ZNF362: variants seen among roughly 807,000 people sequenced by gnomAD.
ZNF362 encodes the protein zinc finger protein 362, also known as rotund homolog.
ZNF362 carries 11 observed loss-of-function variants against 42.9 expected under a neutral mutation model. The ratio of observed to expected loss-of-function variants is 0.26; its 90% CI spans 0.16 to 0.42. The LOEUF (loss-of-function observed/expected upper bound fraction) is 0.42, where lower values mean the gene tolerates loss of function less well. Among genes scored for constraint, ZNF362 ranks in the 20% least tolerant of loss-of-function variants. The pLI is 1.00. For missense variants in ZNF362, 362 were observed against 576.2 expected, an observed-to-expected ratio of 0.63 and a Z score of 3.81; for synonymous variants, 255 against 257.3, an observed-to-expected ratio of 0.99 and a Z score of 0.09.
At chr1:33,246,153 T>C in the ZNF362 span, among the ~76,000 whole-genome samples, 2 of 152,088 alleles carry the variant, frequency 1.3e-5, no homozygotes, top group Admixed American at 6.6e-5. Flanking sequence ...GAGTTTGTGG[T>C]AGTTTATTAT....
At chr1:33,261,684 A>C (rs1045121116) in intron 1 of ZNF362, 1 of 152,222 alleles carries the variant, frequency 6.6e-6, no homozygotes, top group Non-Finnish European at 1.5e-5. Flanking sequence ...GATGACATTT[A>C]TGTATGCAAT....
At chr1:33,223,296 A>C in the ZNF362 span, among the ~76,000 whole-genome samples, 1 of 152,140 alleles carries the variant, frequency 6.6e-6, no homozygotes, top group Non-Finnish European at 1.5e-5. Flanking sequence ...GTTTCCCTGC[A>C]CAAGCTCTCT....
chr1:33,267,386 C>G (rs1156963605), intron 1 of ZNF362, among the ~76,000 whole-genome samples: 1 of 152,160 alleles, frequency 6.6e-6, no homozygotes, highest in African/African-American at 2.4e-5. Flanking sequence ...TTCTTCCCCT[C>G]TTTTCTCTCA....
In ZNF362 at chr1:33,280,411, C is replaced by G. The variant is rs1645984364; in HGVS notation, c.637C>G (p.Pro213Ala). Residue 213 changes from proline to alanine, a missense_variant, in exon 5 of 9, where the codon CCC (proline) becomes GCC (alanine). Physicochemically the swap from Pro to Ala is conservative, Grantham distance 27. This residue lies in a region of ZNF362 where 266 missense variants were observed against 365.4 expected (regional missense o/e 0.73). Coordinates refer to ENST00000539719, the MANE Select transcript of ZNF362 (RefSeq NM_152493.3). This position sits in a 1 kb window ranked among gnomAD's most constrained non-coding sequence, Gnocchi z 5.6. ...GGPPVLVVPY[P>A]ILASGETAKE... ...TCCGCCTGTCCTTGTAGTCCCCTATCCCATCCTGGCCTCGGGCGAGACTGC... is the reference window on the plus strand; with the variant it reads ...TCCGCCTGTCCTTGTAGTCCCCTATGCCATCCTGGCCTCGGGCGAGACTGC... 6.2e-7 allele frequency: 1 copy of G among 1,611,992 alleles called. No individual in the cohort carries two copies. The highest frequency in any genetic ancestry group is 8.5e-7 in the Non-Finnish European group (1 of 1,179,036).
the ZNF362 span, chr1:33,159,653 G>T: frequency 6.3e-7 from 1 of 1,582,172 alleles, no homozygotes; most frequent in Non-Finnish European, 8.6e-7. This position sits in a 1 kb window ranked among gnomAD's most constrained non-coding sequence, Gnocchi z 4.2. Context: ...GGAGGGGATG[G>T]TCAGCCGGGG....
chr1:33,215,084 G>A, the ZNF362 span, among the ~76,000 whole-genome samples: 1 of 152,134 alleles, frequency 6.6e-6, no homozygotes, highest in Non-Finnish European at 1.5e-5. Context: ...CCAAGATTTG[G>A]AATCAATCTA....
the ZNF362 span, chr1:33,147,530 C>T: frequency 6.2e-7 from 1 of 1,613,918 alleles, no homozygotes; most frequent in Non-Finnish European, 8.5e-7. The surrounding 1 kb of genome is among the most constrained non-coding windows in gnomAD (Gnocchi z 8.1). Flanking sequence ...TGGGTCTTCT[C>T]CGCCACCACC....
the ZNF362 span, among the ~76,000 whole-genome samples, chr1:33,222,153 G>A: frequency 6.6e-6 from 1 of 152,168 alleles, no homozygotes; most frequent in Admixed American, 6.5e-5. Context: ...GCAACCAAAA[G>A]CCATCAAATT....
intron 6 of ZNF362, among the ~76,000 whole-genome samples, chr1:33,290,432 A>G (rs1231526339): frequency 2.6e-5 from 4 of 151,932 alleles, no homozygotes; most frequent in Admixed American, 6.6e-5. Flanking sequence ...CATGGTGTAT[A>G]TGTGCCACAT....
the ZNF362 span, chr1:33,147,588 C>T: frequency 2.0e-5 from 33 of 1,614,122 alleles, no homozygotes; most frequent in Middle Eastern, 1.6e-4. This position sits in a 1 kb window ranked among gnomAD's most constrained non-coding sequence, Gnocchi z 8.1. Flanking sequence ...AACCCAGCAC[C>T]GACACCTCCA....
the ZNF362 span, among the ~76,000 whole-genome samples, chr1:33,177,159 C>G: frequency 6.6e-6 from 1 of 152,178 alleles, no homozygotes; most frequent in Non-Finnish European, 1.5e-5. This position sits in a 1 kb window ranked among gnomAD's most constrained non-coding sequence, Gnocchi z 4.1. Flanking sequence ...CCACAGGTTA[C>G]ATAAAAATCC....
chr1:33,278,825 A>C (rs1645969869), intron 4 of ZNF362, among the ~76,000 whole-genome samples: 1 of 152,142 alleles, frequency 6.6e-6, no homozygotes, highest in African/African-American at 2.4e-5. Flanking sequence ...GTGGCTGTGC[A>C]GTTCTCCCTA....
At chr1:33,182,505 T>C in the ZNF362 span, among the ~76,000 whole-genome samples, 6 of 152,182 alleles carry the variant, frequency 3.9e-5, no homozygotes, top group Non-Finnish European at 7.3e-5. Flanking sequence ...CTCTTCACTT[T>C]CTTAAGGAGT....
intron 1 of ZNF362, among the ~76,000 whole-genome samples, chr1:33,265,473 A>G (rs1007068255): frequency 1.3e-5 from 2 of 151,964 alleles, no homozygotes; most frequent in Non-Finnish European, 2.9e-5. Context: ...ACCCGGTCTA[A>G]TTGGATCCAG....
the ZNF362 span, among the ~76,000 whole-genome samples, chr1:33,248,735 C>T: frequency 1.3e-5 from 2 of 152,312 alleles, no homozygotes; most frequent in East Asian, 1.9e-4. Flanking sequence ...GCCAACCTCA[C>T]GTTCAGTATG....
chr1:33,279,101 T>C (rs1341645296), intron 4 of ZNF362, among the ~76,000 whole-genome samples: 1 of 152,206 alleles, frequency 6.6e-6, no homozygotes, highest in African/African-American at 2.4e-5. Flanking sequence ...CATGGCTCAC[T>C]GAAGCCTCGA....
chr1:33,271,035 C>G (rs1447909392), intron 2 of ZNF362, among the ~76,000 whole-genome samples: 1 of 152,186 alleles, frequency 6.6e-6, no homozygotes, highest in African/African-American at 2.4e-5. Context: ...GCCCCTGCCT[C>G]TCTGCTCTGC....
the ZNF362 span, among the ~76,000 whole-genome samples, chr1:33,168,977 T>A: frequency 6.6e-6 from 1 of 151,270 alleles, no homozygotes; most frequent in African/African-American, 2.4e-5. Flanking sequence ...GATTTTGCAG[T>A]CAGGGAATAA....
chr1:33,165,730 C>G, the ZNF362 span: 1 of 497,142 alleles, frequency 2.0e-6, no homozygotes, highest in East Asian at 3.4e-5. The surrounding 1 kb of genome is among the most constrained non-coding windows in gnomAD (Gnocchi z 4.0). Context: ...TAGAGTCTGT[C>G]TCCTAAACAC....
Sources: gnomAD v4.1 joint callset for allele counts (sites outside exome capture counted in the v4.1 genomes callset) on GRCh38, gnomAD v4.1.1 for gene constraint, gnomAD v4.1.1 regional missense constraint, Gnocchi (gnomAD v3.1) non-coding constraint, MANE v1.5 for transcripts, NCBI Gene and HGNC (gene_info 2026-07-23, HGNC 2026-07-21) for gene names.